GLRX3: variants seen among roughly 807,000 people sequenced by gnomAD.
The protein encoded by GLRX3 is glutaredoxin 3.
In GLRX3, 22 loss-of-function variants were observed where a neutral mutation model predicts 49.5. The observed-to-expected ratio is 0.44, with a 90% CI of 0.32 to 0.63. GLRX3 has a LOEUF of 0.63. Ranked by LOEUF, GLRX3 falls within the 30% of genes least tolerant of loss-of-function variation. The pLI is 0.05. For synonymous variants in GLRX3, 133 were observed against 140.0 expected (o/e 0.95, Z 0.35); for missense variants, 385 against 396.3 (o/e 0.97, Z 0.24).
At chr10:130,158,634 G>GT (rs1476982921) in intron 2 of GLRX3, among the ~76,000 whole-genome samples, 2 of 152,174 alleles carry the variant, frequency 1.3e-5, no homozygotes, top group Admixed American at 6.5e-5. Flanking sequence ...GAGGATGGTA[G>GT]TGTAGGCATG....
rs1044638686 is a variant in GLRX3, at chr10:130,166,408, A to G, written c.479-99A>G. The G allele has an allele frequency of 1.3e-5, 10 of 771,140 alleles. No homozygotes were observed. In the African/African-American group the frequency reaches 1.4e-4, roughly 11 times the overall value. 47.8% of individuals were successfully genotyped at this position (771,140 alleles called of 1,614,324 possible). On this transcript the variant is annotated intron_variant, in intron 4 of 10. Coordinates refer to ENST00000331244, the MANE Select transcript of GLRX3 (RefSeq NM_006541.5). ...CACCAGCAAAATAAGGCAGGCGTCTATGTCTTTTAGATGATATGTACGCTG... is the reference window on the plus strand; with the variant it reads ...CACCAGCAAAATAAGGCAGGCGTCTGTGTCTTTTAGATGATATGTACGCTG...
chr10:130,174,619 GA>G (rs1345471199), intron 8 of GLRX3, among the ~76,000 whole-genome samples: 1 of 152,210 alleles, frequency 6.6e-6, no homozygotes, highest in Non-Finnish European at 1.5e-5. Flanking sequence ...TCTTTAAGAA[GA>G]AGTTTGCCCA....
At chr10:130,145,390 C>T (rs1308659173) in intron 2 of GLRX3, 71 bp downstream of exon 2, 22 of 759,992 alleles carry the variant, frequency 2.9e-5, no homozygotes, top group East Asian at 2.8e-4. Flanking sequence ...GGGCTGGGTG[C>T]GGTAGCTCAC....
At chr10:130,169,624 TTGG>T in intron 7 of GLRX3, 134 bp downstream of exon 7, 3 of 656,052 alleles carry the variant, frequency 4.6e-6, no homozygotes, top group East Asian at 2.8e-5. Context: ...CACGCCTTAA[TTGG>T]TGCTTACGGA....
intron 2 of GLRX3, among the ~76,000 whole-genome samples, chr10:130,155,849 T>C (rs552858830): frequency 1.3e-5 from 2 of 152,222 alleles, no homozygotes; most frequent in South Asian, 4.1e-4. Flanking sequence ...CTGCCAGAGA[T>C]GACAGAAACG....
At chr10:130,165,036 G>A (rs1027172923) in intron 4 of GLRX3, among the ~76,000 whole-genome samples, 1 of 152,204 alleles carries the variant, frequency 6.6e-6, no homozygotes, top group African/African-American at 2.4e-5. Context: ...TTTGGAAAAT[G>A]TTTAGAGCTC....
chr10:130,166,241 C>T (rs1186779988), intron 4 of GLRX3, among the ~76,000 whole-genome samples: 3 of 151,642 alleles, frequency 2.0e-5, no homozygotes, highest in African/African-American at 4.8e-5. Flanking sequence ...AATACACACA[C>T]CACTTTTTTT....
chr10:130,158,215 A>AT (rs756696306), intron 2 of GLRX3, among the ~76,000 whole-genome samples: 14,850 of 144,364 alleles, frequency 0.1, 1,250 homozygotes, highest in African/African-American at 0.23. Flanking sequence ...AAGAAATCAG[A>AT]TTTTTTTTTT....
intron 2 of GLRX3, among the ~76,000 whole-genome samples, chr10:130,152,206 A>C (rs1862390970): frequency 6.6e-6 from 1 of 152,046 alleles, no homozygotes; most frequent in African/African-American, 2.4e-5. Context: ...TTTAGTAGAG[A>C]CAGGGTTTCA....
intron 7 of GLRX3, among the ~76,000 whole-genome samples, chr10:130,170,250 A>G (rs1862778416): frequency 1.3e-5 from 2 of 152,208 alleles, no homozygotes; most frequent in Non-Finnish European, 2.9e-5. Context: ...TAAAGAAACC[A>G]AAGTTTTGAA....
chr10:130,165,474 G>A (rs750506465), intron 4 of GLRX3, among the ~76,000 whole-genome samples: 2 of 152,010 alleles, frequency 1.3e-5, no homozygotes, highest in Non-Finnish European at 2.9e-5. Flanking sequence ...TAAAATTGTC[G>A]CTATAGTGTA....
At chr10:130,161,611 A>G (rs1490705420) in intron 4 of GLRX3, among the ~76,000 whole-genome samples, 2 of 152,192 alleles carry the variant, frequency 1.3e-5, no homozygotes, top group African/African-American at 4.8e-5. Context: ...GTACACATGG[A>G]TGCTTATAAT....
At chr10:130,153,166 C>T (rs1862410857) in intron 2 of GLRX3, among the ~76,000 whole-genome samples, 1 of 152,092 alleles carries the variant, frequency 6.6e-6, no homozygotes, top group Admixed American at 6.6e-5. Context: ...GTCATTTAAG[C>T]TCTTCTCTAC....
chr10:130,150,163 C>T (rs952206908), intron 2 of GLRX3, among the ~76,000 whole-genome samples: 1 of 150,730 alleles, frequency 6.6e-6, no homozygotes, highest in African/African-American at 2.4e-5. Flanking sequence ...TTGCTTGAAC[C>T]CAGGAGGCGG....
In GLRX3 at chr10:130,160,918, C is replaced by G. The variant is rs1298722028; in HGVS notation, c.399C>G (p.Leu133=). 1.2e-6 allele frequency: 2 copies of G among 1,613,714 alleles called. No homozygotes were observed. Among genetic ancestry groups the G allele is most frequent in the Admixed American group, 3.3e-5 (2 of 60,030 alleles). The change falls in exon 4 of 11, where the codon CTC becomes CTG. Residue 133 remains leucine (L), a synonymous_variant. Coordinates refer to ENST00000331244, the MANE Select transcript of GLRX3 (RefSeq NM_006541.5). ...CTAATGAACATCTTAAAGAAGATCT[C>G]AACCTTCGCTTGAAGAAATTGACTC... ...PSANEHLKED[L]NLRLKKLTHA... is the part of the protein sequence containing the mutation.
intron 4 of GLRX3, among the ~76,000 whole-genome samples, chr10:130,164,385 A>G (rs182215088): frequency 1.3e-3 from 203 of 152,362 alleles, no homozygotes; most frequent in Middle Eastern, 3.4e-3. Flanking sequence ...TAGCAAAGCA[A>G]AAGGTATTTG....
In GLRX3 at chr10:130,141,467, A is replaced by G. The variant is rs564012052; in HGVS notation, c.93-3744A>G. ...GATAACCACCATTCACAGGAAGAAT[A>G]TAGAACCCAGGAAGTTTTCCATCCC... On this transcript the variant is annotated intron_variant, in intron 1 of 10. Transcript: ENST00000331244. 5.3e-5 allele frequency among the ~76,000 whole-genome samples: 8 copies of G among 152,328 alleles called. No individual in the cohort carries two copies. The East Asian group carries it at 1.5e-3, about 29-fold the overall frequency.
chr10:130,140,178 T>C (rs1862147284), intron 1 of GLRX3, among the ~76,000 whole-genome samples: 3 of 152,230 alleles, frequency 2.0e-5, no homozygotes, highest in Non-Finnish European at 4.4e-5. Flanking sequence ...AGCTGGTATC[T>C]GCAGATGAAT....
chr10:130,177,714 G>A (rs1330012393), intron 10 of GLRX3, among the ~76,000 whole-genome samples: 1 of 152,212 alleles, frequency 6.6e-6, no homozygotes, highest in Non-Finnish European at 1.5e-5. Context: ...CCCTTGGAGG[G>A]GCAGGGTGTC....
Sources: allele counts gnomAD v4.1 joint callset (sites outside exome capture counted in the v4.1 genomes callset), GRCh38; gene constraint gnomAD v4.1.1; transcripts MANE v1.5; gene names NCBI Gene and HGNC (gene_info 2026-07-23, HGNC 2026-07-21).